The following PLCL2 variants were observed in gnomAD, a reference collection of about 807,000 sequenced individuals.
PLCL2 encodes the protein phospholipase C like 2.
PLCL2 carries 4 observed loss-of-function variants against 79.6 expected under a neutral mutation model. That is an observed-to-expected ratio of 0.05 (90% CI 0.02 to 0.11). The LOEUF (loss-of-function observed/expected upper bound fraction) is 0.11, where lower values mean the gene tolerates loss of function less well. Ranked by LOEUF, PLCL2 falls within the 10% of genes least tolerant of loss-of-function variation. The probability of loss-of-function intolerance (pLI) is 1.00; values close to 1 mark genes in which losing one functional copy is unlikely to be tolerated. For missense variants in PLCL2, 895 were observed against 1,291.0 expected, an observed-to-expected ratio of 0.69 and a Z score of 4.70; for synonymous variants, 484 against 457.7, an observed-to-expected ratio of 1.06 and a Z score of -0.73.
chr3:17,086,465 C>T (rs1197254769), intron 5 of PLCL2, among the ~76,000 whole-genome samples: 2 of 152,172 alleles, frequency 1.3e-5, no homozygotes, highest in African/African-American at 4.8e-5. Context: ...AGATAAAACA[C>T]AAAGCTATAG....
chr3:16,962,799 C>CCTT (rs562881999), intron 1 of PLCL2, among the ~76,000 whole-genome samples: 33 of 152,116 alleles, frequency 2.2e-4, no homozygotes, highest in Non-Finnish European at 4.9e-4. Flanking sequence ...ATTGAAATCT[C>CCTT]CTTCTTATTC....
At chr3:17,000,990 A>G in intron 1 of PLCL2, among the ~76,000 whole-genome samples, 1 of 152,032 alleles carries the variant, frequency 6.6e-6, no homozygotes, top group Non-Finnish European at 1.5e-5. Flanking sequence ...CTTTTTTGAG[A>G]AACTTTCATA....
chr3:16,911,729 C>A (rs1648338754), intron 1 of PLCL2, among the ~76,000 whole-genome samples: 1 of 152,158 alleles, frequency 6.6e-6, no homozygotes, highest in Non-Finnish European at 1.5e-5. Flanking sequence ...AATTTTCATG[C>A]AAAATACAAA....
At chr3:17,049,725 A>G (rs1264483621) in intron 4 of PLCL2, among the ~76,000 whole-genome samples, 1 of 152,218 alleles carries the variant, frequency 6.6e-6, no homozygotes, top group Non-Finnish European at 1.5e-5. Context: ...ATGGATTGGA[A>G]GAATCAATAT....
chr3:17,042,263 TCAAGCTTGGGCTCTTAAAA>T (rs1171573010), intron 3 of PLCL2, among the ~76,000 whole-genome samples: 26 of 152,166 alleles, frequency 1.7e-4, no homozygotes, highest in African/African-American at 6.3e-4. Flanking sequence ...TTTCCCTTCT[TCAAGCTTGGGCTCTTAAAA>T]CAAGCACATG....
chr3:17,067,410 AT>A (rs2065021128), intron 4 of PLCL2, among the ~76,000 whole-genome samples: 1 of 152,194 alleles, frequency 6.6e-6, no homozygotes, highest in South Asian at 2.1e-4. Flanking sequence ...TTATTTATTT[AT>A]TATATAAATT....
intron 1 of PLCL2, among the ~76,000 whole-genome samples, chr3:16,933,698 G>A (rs1468647797): frequency 2.0e-5 from 3 of 151,572 alleles, no homozygotes; most frequent in African/African-American, 7.3e-5. Flanking sequence ...TTATGGTTGT[G>A]TAGTATACAT....
intron 3 of PLCL2, among the ~76,000 whole-genome samples, chr3:17,029,766 C>G (rs2064561514): frequency 6.6e-6 from 1 of 152,166 alleles, no homozygotes; most frequent in African/African-American, 2.4e-5. Flanking sequence ...CAAAACACAT[C>G]TCCCAGGGAA....
intron 5 of PLCL2, among the ~76,000 whole-genome samples, chr3:17,088,684 G>A (rs533999946): frequency 2.8e-4 from 43 of 152,286 alleles, no homozygotes; most frequent in Admixed American, 1.2e-3. Flanking sequence ...GAGACAGTTA[G>A]CAATGTCTGC....
At chr3:16,968,190 A>G (rs180757812) in intron 1 of PLCL2, among the ~76,000 whole-genome samples, 20 of 152,082 alleles carry the variant, frequency 1.3e-4, no homozygotes, top group African/African-American at 4.8e-4. Flanking sequence ...AAGTTAGGTA[A>G]TTTGGTGTCT....
intron 3 of PLCL2, among the ~76,000 whole-genome samples, chr3:17,030,408 G>A (rs1350159050): frequency 6.6e-6 from 1 of 152,176 alleles, no homozygotes; most frequent in Non-Finnish European, 1.5e-5. Context: ...AGACCTTTGT[G>A]TGAGTTTATT....
chr3:16,944,591 C>A (rs1195866144), intron 1 of PLCL2, among the ~76,000 whole-genome samples: 1 of 152,100 alleles, frequency 6.6e-6, no homozygotes, highest in Non-Finnish European at 1.5e-5. Flanking sequence ...ATAAACAGAC[C>A]ATGTGAAGAC....
chr3:17,009,251 G>T lies in PLCL2; in HGVS notation c.328-423G>T, dbSNP rs531887853. Among the ~76,000 whole-genome samples the T allele has an allele frequency of 2.0e-5, 3 of 152,156 alleles. No individual in the cohort carries two copies. The highest frequency in any genetic ancestry group is 7.2e-5 in the African/African-American group (3 of 41,506). On this transcript the variant is annotated intron_variant, in intron 1 of 5. Coordinates refer to ENST00000615277, the MANE Select transcript of PLCL2 (RefSeq NM_001144382.2). This position sits in a 1 kb window ranked among gnomAD's most constrained non-coding sequence, Gnocchi z 4.0. ...CTGCCCCTTCTTGGCCTCCCAAAGT[G>T]CTGGGATTACAGGCATGAGCCACCA...
chr3:16,989,012 TTTTG>T (rs1191713635), intron 1 of PLCL2, among the ~76,000 whole-genome samples: 1 of 143,458 alleles, frequency 7.0e-6, no homozygotes, highest in East Asian at 2.0e-4. Flanking sequence ...ACAGAGCTGT[TTTTG>T]TTCTCTCTCT....
intron 1 of PLCL2, among the ~76,000 whole-genome samples, chr3:16,979,661 C>T (rs1171297090): frequency 1.4e-5 from 2 of 140,918 alleles, no homozygotes; most frequent in Non-Finnish European, 3.1e-5. Context: ...GGGGTAAGGT[C>T]ACCGATCAAC....
At chr3:17,082,293 G>A (rs1368805766) in intron 5 of PLCL2, among the ~76,000 whole-genome samples, 1 of 151,706 alleles carries the variant, frequency 6.6e-6, no homozygotes, top group Non-Finnish European at 1.5e-5. Flanking sequence ...ACAGGCACCC[G>A]CCACCATGCC....
At chr3:16,957,603 T>C (rs1403483234) in intron 1 of PLCL2, among the ~76,000 whole-genome samples, 1 of 152,170 alleles carries the variant, frequency 6.6e-6, no homozygotes, top group East Asian at 1.9e-4. Context: ...TCTGTCTCGT[T>C]GATCTGTCTA....
At chr3:16,994,398 T>G (rs1238769959) in intron 1 of PLCL2, among the ~76,000 whole-genome samples, 1 of 152,166 alleles carries the variant, frequency 6.6e-6, no homozygotes, top group Non-Finnish European at 1.5e-5. Context: ...ACTATGGGTA[T>G]GACATAAAGT....
At chr3:17,040,687 A>G (rs1294564934) in intron 3 of PLCL2, among the ~76,000 whole-genome samples, 1 of 152,154 alleles carries the variant, frequency 6.6e-6, no homozygotes, top group Admixed American at 6.6e-5. Context: ...TTTTATGGGT[A>G]GGAAATTAGG....
Sources: gnomAD v4.1 joint callset for allele counts (sites outside exome capture counted in the v4.1 genomes callset) on GRCh38, gnomAD v4.1.1 for gene constraint, Gnocchi (gnomAD v3.1) non-coding constraint, MANE v1.5 for transcripts, NCBI Gene and HGNC (gene_info 2026-07-23, HGNC 2026-07-21) for gene names.